Variants in TENM2 observed in about 807,000 individuals in gnomAD.
TENM2 encodes teneurin-2.
Under a neutral mutation model 245.2 loss-of-function variants are expected in TENM2, and 52 were observed. That is an observed-to-expected ratio of 0.21 (90% confidence interval 0.17 to 0.27). The LOEUF (loss-of-function observed/expected upper bound fraction) is 0.27. Ranked by LOEUF, TENM2 falls within the 10% of genes least tolerant of loss-of-function variation. The pLI, the probability that TENM2 is intolerant of heterozygous loss-of-function variation, is 1.00. For missense variants in TENM2, 3,046 were observed against 3,666.8 expected, an observed-to-expected ratio of 0.83 and a Z score of 4.37; for synonymous variants, 1,363 against 1,438.9, an observed-to-expected ratio of 0.95 and a Z score of 1.19.
At chr5:167,427,859 CGGAAAGGAA>C (rs1459931002) in intron 2 of TENM2, among the ~76,000 whole-genome samples, 124 of 83,164 alleles carry the variant, frequency 1.5e-3, no homozygotes, top group African/African-American at 6.5e-3. Context: ...GAAGGAAGGA[CGGAAAGGAA>C]GGGAAGGAAG....
At chr5:167,314,171 C>CT (rs199781317) in intron 1 of TENM2, among the ~76,000 whole-genome samples, 1 of 151,608 alleles carries the variant, frequency 6.6e-6, no homozygotes, top group Non-Finnish European at 1.5e-5. Context: ...TCCAAAATCT[C>CT]TTTTTTAGGT....
intron 2 of TENM2, among the ~76,000 whole-genome samples, chr5:167,484,275 T>G (rs922388081): frequency 6.6e-6 from 1 of 152,076 alleles, no homozygotes; most frequent in Non-Finnish European, 1.5e-5. Context: ...AACCCCTTAT[T>G]ACCTCAGAAT....
chr5:167,622,455 A>C (rs1031267885), intron 2 of TENM2, among the ~76,000 whole-genome samples: 2 of 152,190 alleles, frequency 1.3e-5, no homozygotes, highest in East Asian at 3.9e-4. Flanking sequence ...ATTTCCAAAT[A>C]CTGGCAAAGG....
intron 12 of TENM2, among the ~76,000 whole-genome samples, chr5:168,149,103 C>T (rs956606210): frequency 4.6e-5 from 7 of 152,146 alleles, no homozygotes; most frequent in Admixed American, 2.0e-4. Context: ...CGGATGAATG[C>T]AGCCTTAAGG....
At chr5:167,116,075 A>G in the TENM2 span, among the ~76,000 whole-genome samples, 4 of 152,238 alleles carry the variant, frequency 2.6e-5, no homozygotes. Flanking sequence ...CCTGGGACAG[A>G]AAAGCCCTAG....
Position 167,663,178 on chromosome 5 carries a change from G to GAGAGAA in TENM2, c.503-212803_503-212802insAAGAGA, listed in dbSNP as rs1554097403. On this transcript the variant is annotated intron_variant, in intron 2 of 28. Transcript: ENST00000518659. Reference sequence around the variant, plus strand: ...AGAGAGAGAGAGAGAGAGAGAGAGAGAGAGAGAGAAAGAGAGAGAATGAAT... The same window carrying GAGAGAA: ...AGAGAGAGAGAGAGAGAGAGAGAGAGAGAGAAAGAGAGAGAAAGAGAGAGAATGAAT... Among the ~76,000 whole-genome samples the GAGAGAA allele has an allele frequency of 6.7e-3, 928 of 138,754 alleles. 1 individual carries two copies. The highest frequency in any genetic ancestry group is 0.029 in the African/African-American group (892 of 31,086). The allele number at this position is 138,754 out of a possible 152,430, so 91.0% of individuals were successfully genotyped here. A position where few individuals can be genotyped will look rare whatever the true frequency, so the allele number is the denominator to read the frequency against.
At chr5:167,142,533 C>A in the TENM2 span, among the ~76,000 whole-genome samples, 1 of 151,876 alleles carries the variant, frequency 6.6e-6, no homozygotes, top group African/African-American at 2.4e-5. Flanking sequence ...CATTCAATCT[C>A]TCTCTATGTA....
At chr5:168,171,827 C>T (rs1209900253) in intron 13 of TENM2, among the ~76,000 whole-genome samples, 2 of 152,146 alleles carry the variant, frequency 1.3e-5, no homozygotes, top group African/African-American at 2.4e-5. Context: ...GATGAAAACG[C>T]AGATTTCACT....
At chr5:168,238,676 G>A (rs140417421) in intron 25 of TENM2, among the ~76,000 whole-genome samples, 120 of 152,314 alleles carry the variant, frequency 7.9e-4, no homozygotes, top group East Asian at 4.0e-3. Flanking sequence ...TGAAGACAGC[G>A]TTTCCTTTTC....
chr5:167,885,666 T>C lies in TENM2; in HGVS notation c.712+9471T>C, dbSNP rs536091509. Among the ~76,000 whole-genome samples the C allele has an allele frequency of 1.8e-4, 28 of 152,270 alleles. No individual in the cohort carries two copies. In the South Asian group the frequency reaches 5.8e-3, roughly 32 times the overall value. On this transcript the variant is annotated intron_variant, in intron 3 of 28. Coordinates refer to ENST00000518659, the Ensembl canonical transcript of TENM2. ...ATACAAAACACCCTTCTCTCTAGGC[T>C]AAAATGGGTGATTACTGGTTTTTTG...
chr5:167,697,613 C>T (rs1314788441), intron 2 of TENM2, among the ~76,000 whole-genome samples: 1 of 152,144 alleles, frequency 6.6e-6, no homozygotes. Context: ...GCAACCTCTG[C>T]CCCCAGGTTC....
intron 2 of TENM2, among the ~76,000 whole-genome samples, chr5:167,795,208 T>C (rs1338296675): frequency 6.6e-6 from 1 of 152,122 alleles, no homozygotes; most frequent in African/African-American, 2.4e-5. Flanking sequence ...TGTTTTGTTT[T>C]TAAGCAAAGT....
chr5:167,515,273 A>G (rs1770248086), intron 2 of TENM2, among the ~76,000 whole-genome samples: 1 of 152,144 alleles, frequency 6.6e-6, no homozygotes, highest in Non-Finnish European at 1.5e-5. Context: ...AAAAGTTACA[A>G]TGTTTCTACT....
chr5:168,124,947 G>A (rs752804454), exon 11 of TENM2: 76 of 1,612,484 alleles, frequency 4.7e-5, no homozygotes, highest in Non-Finnish European at 6.2e-5. Flanking sequence ...GTGAGCTGGC[G>A]AGGGTCCAGT....
chr5:167,847,196 T>C (rs987353234), intron 2 of TENM2, among the ~76,000 whole-genome samples: 1 of 152,190 alleles, frequency 6.6e-6, no homozygotes, highest in Admixed American at 6.5e-5. Flanking sequence ...TAAGCGATCC[T>C]CTTGCCTTAG....
intron 1 of TENM2, among the ~76,000 whole-genome samples, chr5:167,293,287 C>T (rs538869992): frequency 5.2e-4 from 79 of 152,082 alleles, no homozygotes; most frequent in African/African-American, 1.8e-3. Flanking sequence ...CAGCAATCTC[C>T]GCCTCCCAGG....
the TENM2 span, among the ~76,000 whole-genome samples, chr5:167,257,171 A>G: frequency 6.6e-6 from 1 of 152,124 alleles, no homozygotes; most frequent in Non-Finnish European, 1.5e-5. Flanking sequence ...TAGGTTATAC[A>G]GATAAAATAG....
At chr5:167,944,483 G>A (rs1017659428) in intron 3 of TENM2, among the ~76,000 whole-genome samples, 8 of 152,044 alleles carry the variant, frequency 5.3e-5, no homozygotes, top group Non-Finnish European at 1.2e-4. Flanking sequence ...GTTGCCAGGG[G>A]AAGATCTTTT....
intron 2 of TENM2, among the ~76,000 whole-genome samples, chr5:167,782,803 A>G (rs1764287352): frequency 6.6e-6 from 1 of 152,206 alleles, no homozygotes; most frequent in African/African-American, 2.4e-5. Flanking sequence ...GCTGGCAGGA[A>G]AGAAATGAAC....
Sources: allele counts gnomAD v4.1 joint callset (sites outside exome capture counted in the v4.1 genomes callset), GRCh38; gene constraint gnomAD v4.1.1; transcripts MANE v1.5; gene names NCBI Gene and HGNC (gene_info 2026-07-23, HGNC 2026-07-21).